CREB5: variants seen among roughly 807,000 people sequenced by gnomAD.
CREB5 encodes the protein cyclic AMP-responsive element-binding protein 5.
Under a neutral mutation model 57.1 loss-of-function variants are expected in CREB5, and 19 were observed. The observed-to-expected ratio is 0.33, with a 90% CI of 0.23 to 0.49. CREB5 has a LOEUF of 0.49. CREB5 is among the 20% of genes least tolerant of loss of function. CREB5 has a pLI of 0.99. For missense variants in CREB5, 579 were observed against 671.6 expected, an observed-to-expected ratio of 0.86 and a Z score of 1.52; for synonymous variants, 238 against 238.3, an observed-to-expected ratio of 1.00 and a Z score of 0.01.
intron 5 of CREB5, among the ~76,000 whole-genome samples, chr7:28,665,144 C>G (rs1213666512): frequency 6.6e-6 from 1 of 152,156 alleles, no homozygotes; most frequent in Non-Finnish European, 1.5e-5. Context: ...GGAAGCATCA[C>G]AAAATACCTA....
At chr7:28,551,833 CTTTCTTTCTT>C (rs1366041363) in intron 4 of CREB5, among the ~76,000 whole-genome samples, 12 of 149,140 alleles carry the variant, frequency 8.0e-5, no homozygotes, top group Non-Finnish European at 1.6e-4. Context: ...TTCTTTCTTT[CTTTCTTTCTT>C]TTTCTTTCTT....
chr7:28,454,027 C>G (rs1351529386), intron 1 of CREB5, among the ~76,000 whole-genome samples: 1 of 144,596 alleles, frequency 6.9e-6, no homozygotes, highest in Non-Finnish European at 1.5e-5. Flanking sequence ...GATCTCGGCT[C>G]ACTGTAAGCT....
At chr7:28,420,706 G>A (rs1234728546) in intron 1 of CREB5, among the ~76,000 whole-genome samples, 1 of 151,688 alleles carries the variant, frequency 6.6e-6, no homozygotes, top group African/African-American at 2.4e-5. Context: ...TACTCGGGAG[G>A]CTGGGACAGG....
At chr7:28,528,224 C>T (rs927765295) in intron 4 of CREB5, among the ~76,000 whole-genome samples, 5 of 152,186 alleles carry the variant, frequency 3.3e-5, no homozygotes, top group African/African-American at 1.2e-4. Flanking sequence ...ATCGCTTCTA[C>T]CTGTGTGCAA....
At position 28,821,140 on chromosome 7, in the gene CREB5, G is replaced by GTGTT. The variant is rs1321853915; in HGVS notation, c.*1864_*1865insTTGT. ...TTGACCTCTTAATGTGTGTGTGTGT[G>GTGTT]TGTGTGTGTGTGTGTGTGTTCATGG... On this transcript the variant is annotated 3_prime_UTR_variant, in exon 11 of 11. Transcript: ENST00000357727. 6 of 151,982 alleles carry GTGTT rather than the reference G, an allele frequency of 3.9e-5. No homozygotes were observed. Among genetic ancestry groups the GTGTT allele is most frequent in the Non-Finnish European group, 8.8e-5 (6 of 67,960 alleles). The allele number at this position is 151,982 out of a possible 1,614,324, so 9.4% of individuals were successfully genotyped here.
At chr7:28,698,326 T>TCCTCATC (rs1801676609) in intron 5 of CREB5, among the ~76,000 whole-genome samples, 1 of 140,344 alleles carries the variant, frequency 7.1e-6, no homozygotes, top group Non-Finnish European at 1.5e-5. Flanking sequence ...TAGTCTCTCT[T>TCCTCATC]CCTCATCCCC....
chr7:28,514,510 C>T (rs1380071549), intron 4 of CREB5, among the ~76,000 whole-genome samples: 1 of 152,174 alleles, frequency 6.6e-6, no homozygotes, highest in Non-Finnish European at 1.5e-5. Context: ...ATTCTCCTGC[C>T]TCAGCCTCCA....
At chr7:28,569,322 C>G (rs958219682) in intron 4 of CREB5, among the ~76,000 whole-genome samples, 1 of 152,172 alleles carries the variant, frequency 6.6e-6, no homozygotes, top group East Asian at 1.9e-4. Flanking sequence ...AAGCACTACA[C>G]CGCTTTCTCT....
At chr7:28,727,541 T>A (rs1803393604) in intron 7 of CREB5, among the ~76,000 whole-genome samples, 1 of 152,232 alleles carries the variant, frequency 6.6e-6, no homozygotes, top group African/African-American at 2.4e-5. Context: ...TGTAGTAATG[T>A]GGTTATGGTG....
At chr7:28,568,906 A>G (rs941667908) in intron 4 of CREB5, among the ~76,000 whole-genome samples, 3 of 152,238 alleles carry the variant, frequency 2.0e-5, no homozygotes, top group African/African-American at 7.2e-5. Flanking sequence ...GACCACTTCT[A>G]GTTCTCTTGG....
intron 5 of CREB5, among the ~76,000 whole-genome samples, chr7:28,682,262 C>T (rs1295096800): frequency 6.6e-6 from 1 of 152,198 alleles, no homozygotes. Flanking sequence ...GTGAATCCTG[C>T]CTGCACATGG....
intron 4 of CREB5, among the ~76,000 whole-genome samples, chr7:28,523,247 A>G (rs1397203375): frequency 6.6e-6 from 1 of 152,210 alleles, no homozygotes; most frequent in Non-Finnish European, 1.5e-5. Context: ...TTACTGGTAT[A>G]TAAGCCGTGC....
intron 4 of CREB5, among the ~76,000 whole-genome samples, chr7:28,566,624 C>T (rs1356521714): frequency 3.9e-5 from 6 of 152,036 alleles, no homozygotes; most frequent in African/African-American, 1.5e-4. Flanking sequence ...AATGTGAACT[C>T]AGGAAGTAAT....
intron 4 of CREB5, among the ~76,000 whole-genome samples, chr7:28,524,226 C>A (rs1793326887): frequency 6.6e-6 from 1 of 151,876 alleles, no homozygotes; most frequent in Non-Finnish European, 1.5e-5. Context: ...CCTGTGAGCT[C>A]AGCATTTCGG....
At chr7:28,642,252 G>A (rs1798687910) in intron 5 of CREB5, among the ~76,000 whole-genome samples, 1 of 152,148 alleles carries the variant, frequency 6.6e-6, no homozygotes, top group Non-Finnish European at 1.5e-5. Flanking sequence ...AAAAACCAGG[G>A]AAAAACTATT....
At chr7:28,678,557 T>C (rs995094504) in intron 5 of CREB5, among the ~76,000 whole-genome samples, 1 of 152,194 alleles carries the variant, frequency 6.6e-6, no homozygotes, top group African/African-American at 2.4e-5. Context: ...TAAAGCAGGA[T>C]TAACTGCACC....
rs562855564 is a variant in CREB5 at position 28,599,200 on chromosome 7, T to A, written c.464+28663T>A. 3.9e-5 allele frequency among the ~76,000 whole-genome samples: 6 copies of A among 152,144 alleles called. No individual in the cohort carries two copies. In the South Asian group the frequency reaches 1.2e-3, roughly 32 times the overall value. ...TAGCTTAAGCCTCTCAAAGTTTAAG[T>A]TGATTTGACATATATACAGGATATA... On this transcript the variant is annotated intron_variant, in intron 5 of 10. Transcript: ENST00000357727.
chr7:28,617,436 C>G (rs1340345802), intron 5 of CREB5, among the ~76,000 whole-genome samples: 1 of 152,104 alleles, frequency 6.6e-6, no homozygotes, highest in Non-Finnish European at 1.5e-5. Context: ...TCTTATATTC[C>G]ACTGTGGGTG....
upstream of CREB5, chr7:28,409,931 G>C: frequency 2.2e-6 from 1 of 453,922 alleles, no homozygotes; most frequent in South Asian, 1.6e-5. This position sits in a 1 kb window ranked among gnomAD's most constrained non-coding sequence, Gnocchi z 4.4. Context: ...CAGAAGTGCG[G>C]TCAAGCGGCA....
Sources: gnomAD v4.1 joint callset for allele counts (sites outside exome capture counted in the v4.1 genomes callset) on GRCh38, gnomAD v4.1.1 for gene constraint, Gnocchi (gnomAD v3.1) non-coding constraint, MANE v1.5 for transcripts, NCBI Gene and HGNC (gene_info 2026-07-23, HGNC 2026-07-21) for gene names.